CREB5: variants seen among roughly 807,000 people sequenced by gnomAD.
CREB5 encodes the protein cAMP responsive element binding protein 5, also known as cyclic AMP-responsive element-binding protein 5.
In CREB5, 19 loss-of-function variants were observed where a neutral mutation model predicts 57.1. The ratio of observed to expected loss-of-function variants is 0.33; its 90% CI spans 0.23 to 0.49. The LOEUF is 0.49. CREB5 is among the 20% of genes least tolerant of loss of function. The pLI, the probability that CREB5 is intolerant of heterozygous loss-of-function variation, is 0.99. For missense variants in CREB5, 579 were observed against 671.6 expected, an observed-to-expected ratio of 0.86 and a Z score of 1.52; for synonymous variants, 238 against 238.3, an observed-to-expected ratio of 1.00 and a Z score of 0.01.
At chr7:28,474,742 G>T (rs1043475496) in intron 1 of CREB5, among the ~76,000 whole-genome samples, 2 of 152,150 alleles carry the variant, frequency 1.3e-5, no homozygotes, top group African/African-American at 2.4e-5. Flanking sequence ...TGAAAAGGGG[G>T]ATAGGAACAC....
rs1792538012 is a variant in CREB5 at position 28,507,683 on chromosome 7, C to G, written c.237C>G (p.Asp79Glu). The G allele has an allele frequency of 1.9e-6, 3 of 1,612,562 alleles. No individual in the cohort carries two copies. Among genetic ancestry groups the G allele is most frequent in the African/African-American group, 2.7e-5 (2 of 75,046 alleles). ...CEEVGLFSELDCSLEHEFRKA... is the reference protein window; with the variant it reads ...CEEVGLFSELECSLEHEFRKA... ...AGGTGGGCCTCTTCAGCGAGCTGGACTGCTCCCTGGAGCACGAGTTCAGGA... is the reference window on the plus strand; with the variant it reads ...AGGTGGGCCTCTTCAGCGAGCTGGAGTGCTCCCTGGAGCACGAGTTCAGGA... Residue 79 changes from aspartate to glutamate, a missense_variant, in exon 4 of 11, where the codon GAC (aspartate) becomes GAG (glutamate). By Grantham distance (45) the Asp-to-Glu change is conservative (BLOSUM62 2). Coordinates refer to ENST00000357727, the MANE Select transcript of CREB5 (RefSeq NM_182898.4).
chr7:28,500,045 C>A (rs1291012068), intron 3 of CREB5, among the ~76,000 whole-genome samples: 1 of 152,240 alleles, frequency 6.6e-6, no homozygotes, highest in Non-Finnish European at 1.5e-5. Flanking sequence ...GTGATTCATT[C>A]ATTCAGCAAA....
At chr7:28,653,730 G>A (rs2128707989) in intron 5 of CREB5, among the ~76,000 whole-genome samples, 1 of 152,328 alleles carries the variant, frequency 6.6e-6, no homozygotes, top group East Asian at 1.9e-4. Flanking sequence ...CTCCCTGGGG[G>A]AAGAGCTCTG....
intron 5 of CREB5, among the ~76,000 whole-genome samples, chr7:28,649,397 T>G (rs1020880193): frequency 6.6e-6 from 1 of 152,248 alleles, no homozygotes; most frequent in African/African-American, 2.4e-5. Context: ...AAATAAAGTT[T>G]TATTGGAACA....
At chr7:28,717,003 A>C (rs1473852248) in intron 5 of CREB5, among the ~76,000 whole-genome samples, 2 of 151,756 alleles carry the variant, frequency 1.3e-5, no homozygotes, top group Non-Finnish European at 2.9e-5. Flanking sequence ...CTCTCTGTGT[A>C]TCTCCTCACA....
At chr7:28,772,442 C>G (rs2128777321) in intron 7 of CREB5, among the ~76,000 whole-genome samples, 2 of 152,256 alleles carry the variant, frequency 1.3e-5, no homozygotes, top group East Asian at 3.9e-4. Context: ...GCCGCTCGAG[C>G]CTCGCCACTG....
chr7:28,472,093 A>G (rs959848287), intron 1 of CREB5, among the ~76,000 whole-genome samples: 2 of 151,594 alleles, frequency 1.3e-5, no homozygotes, highest in Non-Finnish European at 2.9e-5. Flanking sequence ...CATGCTTTCC[A>G]TCCCAACAAA....
chr7:28,558,636 C>T (rs1243929830), intron 4 of CREB5, among the ~76,000 whole-genome samples: 1 of 152,186 alleles, frequency 6.6e-6, no homozygotes, highest in African/African-American at 2.4e-5. Context: ...TTAGCCAGCC[C>T]TACCCTCCAG....
chr7:28,507,279 T>C (rs1261884456), intron 3 of CREB5, among the ~76,000 whole-genome samples: 1 of 152,114 alleles, frequency 6.6e-6, no homozygotes, highest in Non-Finnish European at 1.5e-5. Context: ...AAGTTCAAAA[T>C]AAATATAGAA....
chr7:28,684,454 G>A (rs1800751969), intron 5 of CREB5, among the ~76,000 whole-genome samples: 1 of 152,188 alleles, frequency 6.6e-6, no homozygotes, highest in African/African-American at 2.4e-5. Flanking sequence ...CCAGGGTCCT[G>A]GAGACCCTTG....
At chr7:28,633,332 G>T (rs1419921042) in intron 5 of CREB5, among the ~76,000 whole-genome samples, 1 of 152,004 alleles carries the variant, frequency 6.6e-6, no homozygotes, top group Non-Finnish European at 1.5e-5. Context: ...CTACAAATGA[G>T]AAGCTTGATC....
chr7:28,779,336 G>A (rs911431003), intron 7 of CREB5: 1 of 152,218 alleles, frequency 6.6e-6, no homozygotes, highest in African/African-American at 2.4e-5. Flanking sequence ...AAAATTTAAA[G>A]AAAAGGGCTC....
intron 5 of CREB5, among the ~76,000 whole-genome samples, chr7:28,671,321 A>G (rs964041797): frequency 1.3e-5 from 2 of 151,932 alleles, no homozygotes; most frequent in African/African-American, 4.8e-5. Context: ...TTTATTGTCA[A>G]GTGAGTTCAG....
rs1808946688 is a variant in CREB5, at chr7:28,809,241, C to G, written c.1081C>G (p.Pro361Ala). 1.2e-6 allele frequency: 2 copies of G among 1,614,108 alleles called. No homozygotes were observed. Among genetic ancestry groups the G allele is most frequent in the Non-Finnish European group, 1.7e-6 (2 of 1,179,980 alleles). The change falls in exon 9 of 11, where the codon CCC becomes GCC. Residue 361 changes from proline (P) to alanine (A), a missense_variant. This residue lies in a region of CREB5 where 459 missense variants were observed against 515.7 expected (regional missense o/e 0.89). Coordinates refer to ENST00000357727, the MANE Select transcript of CREB5 (RefSeq NM_182898.4). ...AACCCAGACAATACAGCCACCCCAG[C>G]CCACAGGGGGGCGCCGGCGAAGGGT... ...QPTQTIQPPQ[P>A]TGGRRRRVVD...
chr7:28,537,696 G>A (rs757774055), intron 4 of CREB5, among the ~76,000 whole-genome samples: 1 of 152,176 alleles, frequency 6.6e-6, no homozygotes, highest in African/African-American at 2.4e-5. Flanking sequence ...ATTCATAACC[G>A]ATTTGTTCAA....
chr7:28,362,800 A>G (rs1485447102), intron 1 of CREB5, among the ~76,000 whole-genome samples: 1 of 152,242 alleles, frequency 6.6e-6, no homozygotes, highest in Admixed American at 6.5e-5. Flanking sequence ...ATATTTTTAA[A>G]TAAAATCATT....
chr7:28,416,835 A>G (rs1298785956), intron 1 of CREB5, among the ~76,000 whole-genome samples: 3 of 152,180 alleles, frequency 2.0e-5, no homozygotes, highest in Admixed American at 6.5e-5. Flanking sequence ...CATCCATTTC[A>G]ACTACTCTGC....
chr7:28,823,333 T>C lies in CREB5; in HGVS notation c.*4054T>C, dbSNP rs1158133332. On this transcript the variant is annotated 3_prime_UTR_variant, in exon 11 of 11. Coordinates refer to ENST00000357727, the MANE Select transcript of CREB5 (RefSeq NM_182898.4). Reference sequence around the variant, plus strand: ...AACAGGAATCTATTAATTTAGAATTTTATAAGATATTTATTAATAAATGTT... The same window carrying C: ...AACAGGAATCTATTAATTTAGAATTCTATAAGATATTTATTAATAAATGTT... 4.6e-5 allele frequency: 7 copies of C among 152,646 alleles called. No homozygotes were observed. Among genetic ancestry groups the C allele is most frequent in the Non-Finnish European group, 2.9e-5 (2 of 68,036 alleles). 9.5% of individuals were successfully genotyped at this position (152,646 alleles called of 1,614,324 possible).
chr7:28,362,037 C>T (rs1271657769), intron 1 of CREB5, among the ~76,000 whole-genome samples: 2 of 152,192 alleles, frequency 1.3e-5, no homozygotes, highest in Admixed American at 6.5e-5. Flanking sequence ...GAACCCTTTA[C>T]ATTTGGCTAA....
Sources: gnomAD v4.1 joint callset for allele counts (sites outside exome capture counted in the v4.1 genomes callset) on GRCh38, gnomAD v4.1.1 for gene constraint, gnomAD v4.1.1 regional missense constraint, MANE v1.5 for transcripts, NCBI Gene and HGNC (gene_info 2026-07-23, HGNC 2026-07-21) for gene names.